Variants in FNBP1 observed in about 807,000 individuals in gnomAD.
FNBP1 encodes formin-binding protein 1.
Under a neutral mutation model 90.6 loss-of-function variants are expected in FNBP1, and 26 were observed. That is an observed-to-expected ratio of 0.29 (90% CI 0.21 to 0.40). The LOEUF (loss-of-function observed/expected upper bound fraction) is 0.40, where lower values mean the gene tolerates loss of function less well. FNBP1 is among the 10% of genes least tolerant of loss of function. The pLI, the probability that FNBP1 is intolerant of heterozygous loss-of-function variation, is 1.00. For synonymous variants in FNBP1, 260 were observed against 265.2 expected, an observed-to-expected ratio of 0.98 and a Z score of 0.19; for missense variants, 635 against 768.0, an observed-to-expected ratio of 0.83 and a Z score of 2.05.
Position 130,041,474 on chromosome 9 carries a change from G to A in FNBP1, c.24+1478C>T, listed in dbSNP as rs2059812558. 1.3e-5 allele frequency among the ~76,000 whole-genome samples: 2 copies of A among 152,128 alleles called. No homozygotes were observed. Among genetic ancestry groups the A allele is most frequent in the Admixed American group, 6.6e-5 (1 of 15,260 alleles). On this transcript the variant is annotated intron_variant, in intron 1 of 16. Coordinates refer to ENST00000446176, the MANE Select transcript of FNBP1 (RefSeq NM_015033.3). This position sits in a 1 kb window ranked among gnomAD's most constrained non-coding sequence, Gnocchi z 4.3. ...TGATTTGCTTCCCCACCCCAGATAA[G>A]CTAAAGAGAGCTAAAGGGAGTGGAA...
At chr9:129,898,986 C>G (rs1466902493) in intron 15 of FNBP1, among the ~76,000 whole-genome samples, 1 of 151,960 alleles carries the variant, frequency 6.6e-6, no homozygotes, top group Non-Finnish European at 1.5e-5. Context: ...TTAAGTTATA[C>G]GAACCAAAAG....
intron 16 of FNBP1, among the ~76,000 whole-genome samples, chr9:129,892,004 C>T (rs1367879506): frequency 6.6e-6 from 1 of 152,140 alleles, no homozygotes; most frequent in Non-Finnish European, 1.5e-5. Context: ...TCAAACAAAA[C>T]TTACTCAGAA....
At chr9:130,013,869 T>C in intron 1 of FNBP1, 2 of 430,786 alleles carry the variant, frequency 4.6e-6, no homozygotes, top group South Asian at 3.4e-5. Context: ...TCTTGCTCTC[T>C]TGCCCTAAGT....
the FNBP1 span, among the ~76,000 whole-genome samples, chr9:130,048,435 C>T: frequency 2.0e-5 from 3 of 148,554 alleles, no homozygotes; most frequent in East Asian, 2.0e-4. Flanking sequence ...TAGTTCTGTC[C>T]AGACAGCTAT....
chr9:130,007,239 CAAAAAAA>C (rs72063140), intron 1 of FNBP1, among the ~76,000 whole-genome samples: 8 of 77,020 alleles, frequency 1.0e-4, no homozygotes, highest in East Asian at 4.1e-4. Context: ...GAGATCCTGT[CAAAAAAA>C]AAAAAAAAAA....
chr9:129,909,862 G>A (rs2038910521), intron 11 of FNBP1, among the ~76,000 whole-genome samples: 1 of 152,202 alleles, frequency 6.6e-6, no homozygotes, highest in South Asian at 2.1e-4. Flanking sequence ...TGGGATTACA[G>A]GCATGAGCCG....
Position 129,890,600 on chromosome 9 carries a change from G to A in FNBP1, c.1847-54C>T, listed in dbSNP as rs963512015. The A allele has an allele frequency of 1.0e-5, 16 of 1,531,234 alleles. No individual in the cohort carries two copies. The highest frequency in any genetic ancestry group is 7.3e-5 in the East Asian group (3 of 41,200). 94.9% of individuals were successfully genotyped at this position (1,531,234 alleles called of 1,614,324 possible). A position where few individuals can be genotyped will look rare whatever the true frequency, so the allele number is the denominator to read the frequency against. On this transcript the variant is annotated intron_variant, in intron 16 of 16. Coordinates refer to ENST00000446176, the MANE Select transcript of FNBP1 (RefSeq NM_015033.3). This position sits in a 1 kb window ranked among gnomAD's most constrained non-coding sequence, Gnocchi z 5.8. ...AACTCTCTGTTAGAGAGGAAGGCGC[G>A]GGTTCCAGGCGGGCATTTTGCTCTT...
chr9:130,042,898 G>A lies in FNBP1; in HGVS notation c.24+54C>T. ...GGCCCGCGCCCCCTCCCCAGGCCGC[G>A]GGGAAACGCAGCGCGCGCCCCGCAT... On this transcript the variant is annotated intron_variant, in intron 1 of 16. Coordinates refer to ENST00000446176, the MANE Select transcript of FNBP1 (RefSeq NM_015033.3). This position sits in a 1 kb window ranked among gnomAD's most constrained non-coding sequence, Gnocchi z 5.5. 2 of 1,181,000 alleles carry A rather than the reference G, an allele frequency of 1.7e-6. No individual in the cohort carries two copies. Among genetic ancestry groups the A allele is most frequent in the Non-Finnish European group, 2.1e-6 (2 of 942,032 alleles). The allele number at this position is 1,181,000 out of a possible 1,614,324, so 73.2% of individuals were successfully genotyped here. A position where few individuals can be genotyped will look rare whatever the true frequency, so the allele number is the denominator to read the frequency against.
At chr9:130,011,274 T>C (rs1320833681) in intron 1 of FNBP1, among the ~76,000 whole-genome samples, 1 of 113,910 alleles carries the variant, frequency 8.8e-6, no homozygotes, top group Non-Finnish European at 1.8e-5. Context: ...ATATAAAATA[T>C]ATATAACATT....
At chr9:130,044,135 G>T (rs1478541923), upstream of FNBP1, among the ~76,000 whole-genome samples, 1 of 152,164 alleles carries the variant, frequency 6.6e-6, no homozygotes, top group Non-Finnish European at 1.5e-5. Flanking sequence ...AAAATGTTTG[G>T]AATTCCAACT....
Position 129,900,380 on chromosome 9 carries a change from C to T in FNBP1, c.1550+46G>A. On this transcript the variant is annotated intron_variant, in intron 14 of 16. Transcript: ENST00000446176. The surrounding 1 kb of genome is among the most constrained non-coding windows in gnomAD (Gnocchi z 4.1). ...CCAAAATTTAGAAATAAATACAAAGCCAACAGGCTCCCTTGCCAGAGGCAG... is the reference window on the plus strand; with the variant it reads ...CCAAAATTTAGAAATAAATACAAAGTCAACAGGCTCCCTTGCCAGAGGCAG... The T allele has an allele frequency of 6.8e-7, 1 of 1,476,684 alleles. No homozygotes were observed. The highest frequency in any genetic ancestry group is 9.0e-7 in the Non-Finnish European group (1 of 1,112,888). The allele number at this position is 1,476,684 out of a possible 1,614,324, so 91.5% of individuals were successfully genotyped here. A position where few individuals can be genotyped will look rare whatever the true frequency, so the allele number is the denominator to read the frequency against.
Position 129,924,001 on chromosome 9 carries a change from T to A in FNBP1, c.1013A>T (p.His338Leu). The A allele has an allele frequency of 7.7e-7, 1 of 1,298,600 alleles. No homozygotes were observed. The highest frequency in any genetic ancestry group is 1.0e-6 in the Non-Finnish European group (1 of 995,172). The allele number at this position is 1,298,600 out of a possible 1,614,324, so 80.4% of individuals were successfully genotyped here. Residue 338 changes from histidine to leucine, a missense_variant, in exon 10 of 17, where the codon CAT (histidine) becomes CTT (leucine). Transcript: ENST00000446176. ...NKLMSLLTSP[H>L]QPPPPPPASA... ...GGCAGGAGGGGGAGGGGGAGGCTGATGGGGGGATGTTAAAAGGGACATAAG... is the reference window on the plus strand; with the variant it reads ...GGCAGGAGGGGGAGGGGGAGGCTGAAGGGGGGATGTTAAAAGGGACATAAG...
intron 1 of FNBP1, among the ~76,000 whole-genome samples, chr9:130,005,341 ATTT>A (rs35530412): frequency 6.5e-5 from 7 of 108,506 alleles, no homozygotes; most frequent in Admixed American, 9.8e-5. Context: ...ACAAATTGAG[ATTT>A]TTTTTTTTTT....
intron 1 of FNBP1, among the ~76,000 whole-genome samples, chr9:130,004,655 G>T (rs1204082098): frequency 6.6e-6 from 1 of 152,182 alleles, no homozygotes; most frequent in Non-Finnish European, 1.5e-5. Context: ...ATGTGTCAGA[G>T]GGTATAGATT....
rs182683238 is a variant in FNBP1, at chr9:129,999,187, A to G, written c.25-4229T>C. 3.9e-3 allele frequency among the ~76,000 whole-genome samples: 597 copies of G among 152,264 alleles called. 5 individuals are homozygous for G. Among genetic ancestry groups the G allele is most frequent in the South Asian group, 0.015 (71 of 4,816 alleles). ...ACTCCTTTGTGAACAAATATTATAA[A>G]CGGCTCTTTAAAAACAGCCTTTGCT... On this transcript the variant is annotated intron_variant, in intron 1 of 16. Coordinates refer to ENST00000446176, the MANE Select transcript of FNBP1 (RefSeq NM_015033.3).
chr9:129,998,188 T>C, intron 1 of FNBP1, among the ~76,000 whole-genome samples: 2 of 77,088 alleles, frequency 2.6e-5, no homozygotes, highest in African/African-American at 5.2e-5. Flanking sequence ...AGACAGAGAC[T>C]CTGTCTCGAA....
chr9:129,979,423 GA>G (rs1318448706), intron 2 of FNBP1, 49 bp from the exon 3 acceptor site: 10 of 1,322,340 alleles, frequency 7.6e-6, no homozygotes, highest in South Asian at 1.2e-5. Flanking sequence ...AGAGAATTAA[GA>G]AATCAGGAAT....
At chr9:129,894,244 TG>T (rs1389695771) in intron 16 of FNBP1, among the ~76,000 whole-genome samples, 7 of 151,916 alleles carry the variant, frequency 4.6e-5, no homozygotes, top group Non-Finnish European at 1.0e-4. Context: ...GATCTCGGGG[TG>T]GATTCTGGAA....
chr9:130,045,745 G>C (rs1457924805), upstream of FNBP1, among the ~76,000 whole-genome samples: 1 of 152,072 alleles, frequency 6.6e-6, no homozygotes, highest in Non-Finnish European at 1.5e-5. Context: ...ATAAAGGAGA[G>C]AGACACCAAT....
Sources: allele counts gnomAD v4.1 joint callset (sites outside exome capture counted in the v4.1 genomes callset), GRCh38; gene constraint gnomAD v4.1.1; non-coding constraint Gnocchi (gnomAD v3.1); transcripts MANE v1.5; gene names NCBI Gene and HGNC (gene_info 2026-07-23, HGNC 2026-07-21).